FAAH2: variants seen among roughly 807,000 people sequenced by gnomAD.
FAAH2 encodes the protein fatty acid amide hydrolase 2.
In FAAH2, 60 loss-of-function variants were observed where a neutral mutation model predicts 36.9. The observed-to-expected ratio is 1.63, with a 90% CI of 1.32 to 2.02. The LOEUF (loss-of-function observed/expected upper bound fraction) is 2.02, where lower values mean the gene tolerates loss of function less well. Among genes scored for constraint, FAAH2 ranks in the 30% most tolerant of loss-of-function variants. The pLI, the probability that FAAH2 is intolerant of heterozygous loss-of-function variation, is 0.00. For missense variants in FAAH2, 689 were observed against 397.5 expected, an observed-to-expected ratio of 1.73 and a Z score of -6.23; for synonymous variants, 214 against 143.8, an observed-to-expected ratio of 1.49 and a Z score of -3.49.
rs1048198174 is a variant in FAAH2, at chrX:57,489,156, T to C, written c.*224T>C. On this transcript the variant is annotated 3_prime_UTR_variant, in exon 11 of 11. Transcript: ENST00000374900. ...TTTATGTTACTGGAAAATTAGGACA[T>C]GTAAATGGATAAGTGCAATAAAGTT... The C allele has an allele frequency of 5.4e-6, 2 of 369,776 alleles. No individual in the cohort carries two copies. The highest frequency in any genetic ancestry group is 5.2e-5 in the African/African-American group (2 of 38,307). 30.5% of individuals were successfully genotyped at this position (369,776 alleles called of 1,213,427 possible). A position where few individuals can be genotyped will look rare whatever the true frequency, so the allele number is the denominator to read the frequency against.
chrX:57,211,335 C>T, the FAAH2 span, among the ~76,000 whole-genome samples: 3 of 111,387 alleles, frequency 2.7e-5, no homozygotes, highest in African/African-American at 9.8e-5. Context: ...TGGAACACTA[C>T]TAAAGGGACC....
chrX:57,137,976 C>T, the FAAH2 span, among the ~76,000 whole-genome samples: 4 of 111,499 alleles, frequency 3.6e-5, no homozygotes, highest in Non-Finnish European at 7.5e-5. Context: ...ATACACACCT[C>T]TATCCAATCA....
intron 3 of FAAH2, among the ~76,000 whole-genome samples, chrX:57,318,699 C>G (rs953943788): frequency 9.0e-6 from 1 of 111,418 alleles, no homozygotes; most frequent in African/African-American, 3.3e-5. Flanking sequence ...GATAACAAAC[C>G]CTGGCAGAGA....
the FAAH2 span, among the ~76,000 whole-genome samples, chrX:57,147,858 T>G: frequency 8.9e-6 from 1 of 112,126 alleles, no homozygotes; most frequent in Admixed American, 9.5e-5. Context: ...CCATGTATTT[T>G]CATGGTTTTG....
chrX:57,409,243 C>G (rs1350866813), intron 7 of FAAH2, among the ~76,000 whole-genome samples: 1 of 111,610 alleles, frequency 9.0e-6, no homozygotes, highest in Non-Finnish European at 1.9e-5. Context: ...CTATGCATCC[C>G]AGGGATGAAT....
intron 4 of FAAH2, among the ~76,000 whole-genome samples, chrX:57,339,984 C>T (rs1339088988): frequency 9.0e-6 from 1 of 111,259 alleles, no homozygotes; most frequent in African/African-American, 3.3e-5. Context: ...TATTGGCTCA[C>T]AGGATAACAA....
In FAAH2 at chrX:57,442,437, C is replaced by CT. The variant is rs765223416; in HGVS notation, c.1117-4483dup. ...TCAGAGACTAGGATTGCAACCTCTG[C>CT]TTTTTTTTGTTTTCCATTTGCTTGG... On this transcript the variant is annotated intron_variant, in intron 8 of 10. Coordinates refer to ENST00000374900, the MANE Select transcript of FAAH2 (RefSeq NM_174912.4). 3.2e-3 allele frequency among the ~76,000 whole-genome samples: 353 copies of CT among 110,716 alleles called. 1 individual carries two copies. Among genetic ancestry groups the CT allele is most frequent in the African/African-American group, 3.7e-3 (112 of 30,447 alleles).
chrX:57,423,379 A>G lies in FAAH2; in HGVS notation c.997-8539A>G, dbSNP rs192522077. ...AATTGGGAGCTCTTCCCTTGGCAGG[A>G]CTAGACCAGCATGGATGTGGCCTGG... On this transcript the variant is annotated intron_variant, in intron 7 of 10. Transcript: ENST00000374900. 3.9e-3 allele frequency among the ~76,000 whole-genome samples: 437 copies of G among 111,352 alleles called. 2 individuals are homozygous for G. The highest frequency in any genetic ancestry group is 0.014 in the African/African-American group (421 of 30,662).
intron 8 of FAAH2, among the ~76,000 whole-genome samples, chrX:57,444,977 G>T (rs1045094752): frequency 1.8e-5 from 2 of 111,411 alleles, no homozygotes; most frequent in Admixed American, 1.9e-4. Context: ...CTCCTGAATT[G>T]GTCACTGGTG....
chrX:57,392,441 G>A (rs2055188594), intron 7 of FAAH2, among the ~76,000 whole-genome samples: 1 of 111,420 alleles, frequency 9.0e-6, no homozygotes, highest in African/African-American at 3.3e-5. Flanking sequence ...AACGTAAATA[G>A]ACATGTGCAT....
chrX:57,313,556 C>T (rs1316039054), intron 3 of FAAH2, among the ~76,000 whole-genome samples: 1 of 110,919 alleles, frequency 9.0e-6, no homozygotes, highest in Non-Finnish European at 1.9e-5. Context: ...AGCAGTAGAT[C>T]TCTCAGCAGA....
chrX:57,394,688 T>A (rs1449475859), intron 7 of FAAH2: 3 of 906,638 alleles, frequency 3.3e-6, no homozygotes, highest in Admixed American at 2.2e-5. Context: ...TTGTTTTTTT[T>A]ATCATCTGGG....
At chrX:57,218,964 A>T in the FAAH2 span, among the ~76,000 whole-genome samples, 19 of 111,343 alleles carry the variant, frequency 1.7e-4, no homozygotes, top group African/African-American at 6.2e-4. Flanking sequence ...GCTTAAGGAG[A>T]TATATAACTC....
chrX:57,393,082 C>T, intron 7 of FAAH2: 8 of 925,491 alleles, frequency 8.6e-6, no homozygotes, highest in Non-Finnish European at 1.3e-5. Context: ...CCCCCTTCTG[C>T]CAGTGAGTGC....
At chrX:57,344,789 C>T (rs972746583) in intron 5 of FAAH2, among the ~76,000 whole-genome samples, 1 of 111,245 alleles carries the variant, frequency 9.0e-6, no homozygotes, top group African/African-American at 3.3e-5. Flanking sequence ...AGGTTTTTAT[C>T]ATGAAGGAAT....
chrX:57,451,195 C>T (rs1352462864), intron 10 of FAAH2, among the ~76,000 whole-genome samples: 1 of 111,457 alleles, frequency 9.0e-6, no homozygotes, highest in East Asian at 2.8e-4. Flanking sequence ...AAACAGGAGG[C>T]TGAACAGGGT....
the FAAH2 span, among the ~76,000 whole-genome samples, chrX:57,257,309 T>C: frequency 8.9e-6 from 1 of 112,169 alleles, no homozygotes; most frequent in Non-Finnish European, 1.9e-5. Flanking sequence ...TTATCAGTGA[T>C]AGACTGGATT....
intron 5 of FAAH2, 90 bp from the exon 6 acceptor site, chrX:57,378,561 A>G: frequency 2.7e-6 from 3 of 1,112,594 alleles, no homozygotes; most frequent in Non-Finnish European, 3.6e-6. Context: ...GAGAAAAAGT[A>G]TTTAAGATAG....
chrX:57,399,716 G>C (rs1473753150), intron 7 of FAAH2, among the ~76,000 whole-genome samples: 1 of 112,247 alleles, frequency 8.9e-6, no homozygotes, highest in Non-Finnish European at 1.9e-5. Context: ...ATGTTTGATA[G>C]GTGTTCCTTC....
Sources: gnomAD v4.1 joint callset for allele counts (sites outside exome capture counted in the v4.1 genomes callset) on GRCh38, gnomAD v4.1.1 for gene constraint, MANE v1.5 for transcripts, NCBI Gene and HGNC (gene_info 2026-07-23, HGNC 2026-07-21) for gene names.